The following MROH1 variants were observed in gnomAD, a reference collection of about 807,000 sequenced individuals.
MROH1 encodes the protein maestro heat like repeat family member 1.
A neutral mutation model predicts 116.5 loss-of-function variants in MROH1; 117 were observed. The observed-to-expected ratio is 1.00, with a 90% CI of 0.86 to 1.17. MROH1 has a LOEUF of 1.17. MROH1 is among the 50% of genes most tolerant of loss of function. MROH1 has a pLI of 0.00. For missense variants in MROH1, 1,873 were observed against 1,338.5 expected, an observed-to-expected ratio of 1.40 and a Z score of -6.23; for synonymous variants, 921 against 583.9, an observed-to-expected ratio of 1.58 and a Z score of -8.32.
rs1340322153 is a variant in MROH1 at position 144,244,558 on chromosome 8, T to C, written c.2766+19T>C. 1.2e-5 allele frequency: 9 copies of C among 733,444 alleles called. 1 individual carries two copies. The highest frequency in any genetic ancestry group is 2.0e-5 in the Non-Finnish European group (8 of 396,872). The allele number at this position is 733,444 out of a possible 1,614,324, so 45.4% of individuals were successfully genotyped here. A position where few individuals can be genotyped will look rare whatever the true frequency, so the allele number is the denominator to read the frequency against. Reference sequence around the variant, plus strand: ...GATTGAGGTGTGCAGGGGGGAACTGTCATGGGGATGGGGATGGGGGCACAG... The same window carrying C: ...GATTGAGGTGTGCAGGGGGGAACTGCCATGGGGATGGGGATGGGGGCACAG... On this transcript the variant is annotated intron_variant, in intron 28 of 43. Coordinates refer to ENST00000326134, the MANE Select transcript of MROH1 (RefSeq NM_032450.3).
rs1554835337 is a variant in MROH1, at chr8:144,260,721, C to T, written c.4425C>T (p.His1475=). ...CGGCATCTATCCGCCTCTTTGGGCA[C>T]CTTAACAAGGTCTGCCACGGAGACT... The part of the protein sequence containing the change: ...FRTASIRLFG[H]LNKVCHGDCE... The change falls in exon 40 of 44, where the codon CAC becomes CAT. Residue 1475 remains histidine (H), a synonymous_variant. Coordinates refer to ENST00000326134, the MANE Select transcript of MROH1 (RefSeq NM_032450.3). 4.0e-4 allele frequency: 311 copies of T among 779,664 alleles called. 7 individuals carry two copies. The South Asian group carries it at 4.0e-3, about 10-fold the overall frequency. 48.3% of individuals were successfully genotyped at this position (779,664 alleles called of 1,614,324 possible).
chr8:144,248,349 C>A (rs1842265320), intron 31 of MROH1, among the ~76,000 whole-genome samples: 2 of 150,758 alleles, frequency 1.3e-5, no homozygotes, highest in African/African-American at 5.0e-5. Context: ...GCTGCCCCTC[C>A]CTCCGTGCTC....
chr8:144,260,707 C>T lies in MROH1; in HGVS notation c.4411C>T (p.Arg1471Cys), dbSNP rs1168480552. The T allele has an allele frequency of 1.4e-5, 11 of 779,474 alleles. No homozygotes were observed. The highest frequency in any genetic ancestry group is 1.9e-5 in the Non-Finnish European group (8 of 417,796). The allele number at this position is 779,474 out of a possible 1,614,324, so 48.3% of individuals were successfully genotyped here. The change falls in exon 40 of 44, where the codon CGC becomes TGC. Residue 1471 changes from arginine (R) to cysteine (C), a missense_variant. By Grantham distance (180) the Arg-to-Cys change is radical. Coordinates refer to ENST00000326134, the MANE Select transcript of MROH1 (RefSeq NM_032450.3). ...GATGGAGTTCCGGACGGCATCTATC[C>T]GCCTCTTTGGGCACCTTAACAAGGT... is the stretch of plus-strand genomic sequence containing the variant. Reference protein sequence around the residue: ...EKMEFRTASIRLFGHLNKVCH... With the variant: ...EKMEFRTASICLFGHLNKVCH...
chr8:144,163,420 TGCTCA>T lies in MROH1; in HGVS notation c.-56-349_-56-345del, dbSNP rs1820040162. On this transcript the variant is annotated intron_variant, in intron 2 of 43. Transcript: ENST00000326134. The surrounding 1 kb of genome is among the most constrained non-coding windows in gnomAD (Gnocchi z 4.4). ...TGATGTGTGAAAGCTGTGGTGCCCGTGCTCAGTTCCTCACAGTGTGGAGGAGGATG... is the reference window on the plus strand; with the variant it reads ...TGATGTGTGAAAGCTGTGGTGCCCGTGTTCCTCACAGTGTGGAGGAGGATG... Among the ~76,000 whole-genome samples the T allele has an allele frequency of 7.9e-5, 12 of 152,298 alleles. No individual in the cohort carries two copies. The South Asian group carries it at 2.5e-3, about 32-fold the overall frequency.
At chr8:144,243,457 G>T in intron 24 of MROH1, 37 bp from the exon 25 acceptor site, 1 of 776,710 alleles carries the variant, frequency 1.3e-6, no homozygotes. Context: ...CCTGGAGGGC[G>T]GGCGTGGGCG....
chr8:144,186,671 G>T (rs1827265429), intron 7 of MROH1, among the ~76,000 whole-genome samples: 1 of 152,206 alleles, frequency 6.6e-6, no homozygotes, highest in African/African-American at 2.4e-5. Context: ...CATAGGGGCT[G>T]GCTCTGTCCT....
chr8:144,239,858 G>T (rs1290550821), intron 18 of MROH1, 103 bp downstream of exon 18: 2 of 691,274 alleles, frequency 2.9e-6, no homozygotes, highest in East Asian at 2.7e-5. Flanking sequence ...TGGCACTAGG[G>T]TGGCCAATGG....
At position 144,160,954 on chromosome 8, in the gene MROH1, T is replaced by G. The variant is rs1819381638; in HGVS notation, c.-176-16T>G. 1 of 152,656 alleles carries G rather than the reference T, an allele frequency of 6.6e-6. No individual in the cohort carries two copies. The highest frequency in any genetic ancestry group is 1.5e-5 in the Non-Finnish European group (1 of 68,040). 9.5% of individuals were successfully genotyped at this position (152,656 alleles called of 1,614,324 possible). A position where few individuals can be genotyped will look rare whatever the true frequency, so the allele number is the denominator to read the frequency against. On this transcript the variant is annotated splice_polypyrimidine_tract_variant and intron_variant, in intron 1 of 43. Transcript: ENST00000326134. ...GTCTCAGGTTCCTGGCAGAATTTGGTTCTTTGCATCTGTAGGACGGAAGCT... is the reference window on the plus strand; with the variant it reads ...GTCTCAGGTTCCTGGCAGAATTTGGGTCTTTGCATCTGTAGGACGGAAGCT...
chr8:144,233,395 C>T (rs1554823482), intron 14 of MROH1, among the ~76,000 whole-genome samples: 5 of 150,606 alleles, frequency 3.3e-5, no homozygotes, highest in Non-Finnish European at 4.5e-5. Flanking sequence ...CACCATCCAC[C>T]TTCCCTCCCC....
chr8:144,247,721 T>G, intron 31 of MROH1, 42 bp downstream of exon 31: 1 of 720,848 alleles, frequency 1.4e-6, no homozygotes, highest in East Asian at 2.6e-5. Flanking sequence ...AGGCTGGCAC[T>G]GTCTGGGGCT....
At chr8:144,255,972 G>C (rs1588529480) in intron 35 of MROH1, among the ~76,000 whole-genome samples, 1 of 152,350 alleles carries the variant, frequency 6.6e-6, no homozygotes, top group East Asian at 1.9e-4. Context: ...GGCAGCTGGT[G>C]GGGGCTTCGT....
At chr8:144,151,269 A>C (rs911477649) in intron 1 of MROH1, among the ~76,000 whole-genome samples, 21 of 151,328 alleles carry the variant, frequency 1.4e-4, no homozygotes, top group African/African-American at 4.8e-4. Flanking sequence ...AAAAAAAAAA[A>C]AAAAACCTCC....
chr8:144,220,559 A>G lies in MROH1; in HGVS notation c.1142-41A>G, dbSNP rs1209559615. ...ATGTGGAATGGACCTTGAGGTCCTC[A>G]TCTCAGTGGTAGGCTGAGCTGTCCT... On this transcript the variant is annotated intron_variant, in intron 12 of 43. Coordinates refer to ENST00000326134, the MANE Select transcript of MROH1 (RefSeq NM_032450.3). 3 of 1,544,006 alleles carry G rather than the reference A, an allele frequency of 1.9e-6. No individual in the cohort carries two copies. In the South Asian group the frequency reaches 3.6e-5, roughly 18 times the overall value.
At chr8:144,253,775 G>A (rs1588511856) in intron 33 of MROH1, among the ~76,000 whole-genome samples, 2 of 151,902 alleles carry the variant, frequency 1.3e-5, no homozygotes, top group African/African-American at 4.8e-5. Flanking sequence ...TGTTCTTTCC[G>A]TGGCTTAGTA....
chr8:144,160,307 C>A (rs1200190221), intron 1 of MROH1, among the ~76,000 whole-genome samples: 6 of 152,122 alleles, frequency 3.9e-5, no homozygotes, highest in Non-Finnish European at 8.8e-5. Context: ...CCTGGTGCCC[C>A]ATGAGTCATG....
Position 144,254,814 on chromosome 8 carries a change from C to T in MROH1, c.3430C>T (p.His1144Tyr), listed in dbSNP as rs1485604495. ...AGTGACTCTCCTGCTCTGCTCCAGCCACACCTGCATGCTGTGGCGGGCGCT... is the reference window on the plus strand; with the variant it reads ...AGTGACTCTCCTGCTCTGCTCCAGCTACACCTGCATGCTGTGGCGGGCGCT... The part of the protein sequence containing the change: ...LLGSPLPLDS[H>Y]TCMLWRALAV... Residue 1144 changes from histidine (H) to tyrosine (Y), a missense_variant and splice_region_variant, in exon 34 of 44, where the codon CAC (histidine) becomes TAC (tyrosine). By Grantham distance (83) the His-to-Tyr change is moderately conservative. Coordinates refer to ENST00000326134, the MANE Select transcript of MROH1 (RefSeq NM_032450.3). 2 of 776,672 alleles carry T rather than the reference C, an allele frequency of 2.6e-6. No homozygotes were observed. The highest frequency in any genetic ancestry group is 4.8e-6 in the Non-Finnish European group (2 of 417,510). The allele number at this position is 776,672 out of a possible 1,614,324, so 48.1% of individuals were successfully genotyped here. A position where few individuals can be genotyped will look rare whatever the true frequency, so the allele number is the denominator to read the frequency against.
At chr8:144,213,031 A>G (rs1834497788) in intron 12 of MROH1, 1 of 779,704 alleles carries the variant, frequency 1.3e-6, no homozygotes, top group Non-Finnish European at 2.4e-6. Flanking sequence ...TGTTGCCATC[A>G]GCAGTCACAC....
Position 144,233,950 on chromosome 8 carries a change from G to A in MROH1, c.1339-4806G>A, listed in dbSNP as rs575578605. 2.0e-5 allele frequency among the ~76,000 whole-genome samples: 3 copies of A among 152,290 alleles called. No homozygotes were observed. In the South Asian group the frequency reaches 6.2e-4, roughly 32 times the overall value. The stretch of plus-strand genomic sequence containing the variant: ...GTCAATTCTTGCACAGAAGTCATCC[G>A]GAATTTTTATAGGGATTGCACTGAA... On this transcript the variant is annotated intron_variant, in intron 14 of 43. Transcript: ENST00000326134.
At chr8:144,219,225 T>TGTTA (rs1331937882) in intron 12 of MROH1, among the ~76,000 whole-genome samples, 1 of 152,092 alleles carries the variant, frequency 6.6e-6, no homozygotes, top group Non-Finnish European at 1.5e-5. Context: ...GGTTTCACTG[T>TGTTA]GTTAGCCAGG....
Sources: allele counts gnomAD v4.1 joint callset (sites outside exome capture counted in the v4.1 genomes callset), GRCh38; gene constraint gnomAD v4.1.1; non-coding constraint Gnocchi (gnomAD v3.1); transcripts MANE v1.5; gene names NCBI Gene and HGNC (gene_info 2026-07-23, HGNC 2026-07-21).